The following MORC3 variants were observed in gnomAD, a reference collection of about 807,000 sequenced individuals.
The protein encoded by MORC3 is MORC family CW-type zinc finger 3.
In MORC3, 31 loss-of-function variants were observed where a neutral mutation model predicts 109.1. That is an observed-to-expected ratio of 0.28 (90% CI 0.21 to 0.38). The LOEUF (loss-of-function observed/expected upper bound fraction) is 0.38. Among genes scored for constraint, MORC3 ranks in the 10% least tolerant of loss-of-function variants. The pLI is 1.00. For missense variants in MORC3, 867 were observed against 1,135.8 expected, an observed-to-expected ratio of 0.76 and a Z score of 3.40; for synonymous variants, 395 against 380.7, an observed-to-expected ratio of 1.04 and a Z score of -0.44.
Position 36,357,470 on chromosome 21 carries a change from G to A in MORC3, c.1208+746G>A, listed in dbSNP as rs951984104. 3.9e-5 allele frequency among the ~76,000 whole-genome samples: 6 copies of A among 151,936 alleles called. No homozygotes were observed. The East Asian group carries it at 9.6e-4, about 24-fold the overall frequency. On this transcript the variant is annotated intron_variant, in intron 10 of 16. Coordinates refer to ENST00000400485, the MANE Select transcript of MORC3 (RefSeq NM_015358.3). ...GGTGGGGTCTCCCTGTGTTGCCCAGGCTGGTCTCAATGTCCTGGGTCCAGG... is the reference window on the plus strand; with the variant it reads ...GGTGGGGTCTCCCTGTGTTGCCCAGACTGGTCTCAATGTCCTGGGTCCAGG...
chr21:36,351,952 A>C (rs1428753390), intron 9 of MORC3, among the ~76,000 whole-genome samples: 1 of 152,208 alleles, frequency 6.6e-6, no homozygotes, highest in Non-Finnish European at 1.5e-5. Context: ...CTTGTTAGTA[A>C]GCTCAAGAGT....
chr21:36,324,581 C>T lies in MORC3; in HGVS notation c.39+4278C>T, dbSNP rs775297212. 1.4e-3 allele frequency among the ~76,000 whole-genome samples: 205 copies of T among 148,514 alleles called. 1 individual carries two copies. The highest frequency in any genetic ancestry group is 1.3e-3 in the Non-Finnish European group (86 of 66,986). ...CGTGAGCCACCATGCCTGGCCTAAC[C>T]GTAGTATTTTTGAAGTTTTGTTTTG... On this transcript the variant is annotated intron_variant, in intron 1 of 16. Transcript: ENST00000400485.
chr21:36,361,345 A>C (rs1307729641), intron 12 of MORC3, among the ~76,000 whole-genome samples: 1 of 151,254 alleles, frequency 6.6e-6, no homozygotes, highest in Non-Finnish European at 1.5e-5. Context: ...GGAGTTTGAT[A>C]CCAGCCTGGC....
At chr21:36,330,192 T>G (rs1462732658) in intron 1 of MORC3, among the ~76,000 whole-genome samples, 1 of 152,040 alleles carries the variant, frequency 6.6e-6, no homozygotes, top group East Asian at 1.9e-4. Flanking sequence ...TTCCCTTTTT[T>G]TTTTCTTTCC....
chr21:36,339,242 C>A (rs541118912), intron 5 of MORC3: 3 of 177,014 alleles, frequency 1.7e-5, no homozygotes, highest in African/African-American at 4.8e-5. Context: ...GCTTCAGTCC[C>A]CCGAGTAGCT....
intron 16 of MORC3, 139 bp from the exon 17 acceptor site, chr21:36,375,004 C>T (rs1007667757): frequency 3.7e-6 from 3 of 800,302 alleles, no homozygotes; most frequent in African/African-American, 1.8e-5. Context: ...ATTGAGTTCT[C>T]TAGGGGAGGT....
chr21:36,365,637 A>G (rs2085772071), intron 14 of MORC3, among the ~76,000 whole-genome samples: 1 of 152,030 alleles, frequency 6.6e-6, no homozygotes, highest in African/African-American at 2.4e-5. Context: ...GCTGGAGTGC[A>G]ATGGTGCAAT....
In MORC3 at chr21:36,336,959, C is replaced by T. The variant is rs762428565; in HGVS notation, c.198C>T (p.Thr66=). The T allele has an allele frequency of 1.7e-5, 28 of 1,611,876 alleles. No individual in the cohort carries two copies. Among genetic ancestry groups the T allele is most frequent in the African/African-American group, 9.4e-5 (7 of 74,816 alleles). ...VINDHICLTF[T]DNGNGMTSDK... ...ATGACCATATATGCTTGACATTCAC[C>T]GACAATGGGAATGGTATGACTTCTG... The change falls in exon 3 of 17, where the codon ACC becomes ACT. Residue 66 remains threonine, a synonymous_variant. Coordinates refer to ENST00000400485, the MANE Select transcript of MORC3 (RefSeq NM_015358.3).
At chr21:36,353,183 C>G (rs1295251692) in intron 9 of MORC3, among the ~76,000 whole-genome samples, 2 of 150,170 alleles carry the variant, frequency 1.3e-5, no homozygotes, top group Admixed American at 1.3e-4. Flanking sequence ...ATGGTGAAAC[C>G]CAGTCTCTAC....
intron 1 of MORC3, among the ~76,000 whole-genome samples, chr21:36,331,609 C>CAAAA (rs537707742): frequency 1.7e-3 from 107 of 63,592 alleles, no homozygotes; most frequent in African/African-American, 9.6e-3. Context: ...CTCAAAAAAA[C>CAAAA]AAAAAACAAA....
At chr21:36,354,647 C>G (rs997954826) in intron 9 of MORC3, among the ~76,000 whole-genome samples, 21 of 152,200 alleles carry the variant, frequency 1.4e-4, no homozygotes, top group African/African-American at 5.1e-4. Context: ...ACCAATCCTT[C>G]TTACACTGTC....
chr21:36,331,201 C>G (rs955687246), intron 1 of MORC3, among the ~76,000 whole-genome samples: 2 of 152,152 alleles, frequency 1.3e-5, no homozygotes, highest in African/African-American at 4.8e-5. Context: ...TGCTTTCCAC[C>G]TTTTTTCCCC....
chr21:36,339,881 A>G (rs75070250), intron 5 of MORC3, among the ~76,000 whole-genome samples: 2,270 of 152,198 alleles, frequency 0.015, 52 homozygotes, highest in African/African-American at 0.052. Flanking sequence ...GATTTTTTCA[A>G]TTATACTTTC....
intron 5 of MORC3, among the ~76,000 whole-genome samples, chr21:36,340,651 T>TC (rs1223480443): frequency 6.6e-6 from 1 of 150,834 alleles, no homozygotes; most frequent in Non-Finnish European, 1.5e-5. Context: ...TTTTTTTTTT[T>TC]TGAGATAGCG....
chr21:36,362,361 G>T, intron 13 of MORC3, 133 bp downstream of exon 13: 1 of 958,730 alleles, frequency 1.0e-6, no homozygotes. Flanking sequence ...TGGCCAACAT[G>T]GTGAAACCCT....
chr21:36,332,278 T>C (rs1234174248), intron 1 of MORC3, among the ~76,000 whole-genome samples: 2 of 150,888 alleles, frequency 1.3e-5, no homozygotes, highest in Non-Finnish European at 3.0e-5. Context: ...CTACTAAAAA[T>C]ACAAAAAATT....
intron 1 of MORC3, among the ~76,000 whole-genome samples, chr21:36,323,252 A>G (rs1438975036): frequency 1.3e-5 from 2 of 152,060 alleles, no homozygotes; most frequent in Non-Finnish European, 2.9e-5. Flanking sequence ...TAGCTTAGTG[A>G]CTGCCATTCT....
intron 2 of MORC3, among the ~76,000 whole-genome samples, chr21:36,336,410 T>G (rs1453360215): frequency 1.3e-5 from 2 of 151,024 alleles, no homozygotes; most frequent in African/African-American, 4.9e-5. Flanking sequence ...GCCTGGCGGA[T>G]TTTTGTATTT....
Position 36,372,409 on chromosome 21 carries a change from T to A in MORC3, c.2544T>A (p.Arg848=). The A allele has an allele frequency of 6.3e-7, 1 of 1,594,674 alleles. No homozygotes were observed. The highest frequency in any genetic ancestry group is 8.5e-7 in the Non-Finnish European group (1 of 1,175,566). The change falls in exon 16 of 17, where the codon CGT becomes CGA. Residue 848 remains arginine (R), a synonymous_variant. Coordinates refer to ENST00000400485, the MANE Select transcript of MORC3 (RefSeq NM_015358.3). ...ELLEMEKSQI[R]SQCEELKTEV... ...TGGAAATGGAAAAGTCACAAATCCG[T>A]TCACAGTGTGAAGAACTCAAAACTG... is the stretch of plus-strand genomic sequence containing the variant.
Sources: allele counts gnomAD v4.1 joint callset (sites outside exome capture counted in the v4.1 genomes callset), GRCh38; gene constraint gnomAD v4.1.1; transcripts MANE v1.5; gene names NCBI Gene and HGNC (gene_info 2026-07-23, HGNC 2026-07-21).